Variants in CSMD3 observed in about 807,000 individuals in gnomAD.
CSMD3 encodes CUB and sushi domain-containing protein 3.
A neutral mutation model predicts 435.2 loss-of-function variants in CSMD3; 177 were observed. That is an observed-to-expected ratio of 0.41 (90% CI 0.36 to 0.46). The LOEUF (loss-of-function observed/expected upper bound fraction) is 0.46. Ranked by LOEUF, CSMD3 falls within the 20% of genes least tolerant of loss-of-function variation. The probability of loss-of-function intolerance (pLI) is 0.34; values close to 1 mark genes in which losing one functional copy is unlikely to be tolerated. For missense variants in CSMD3, 4,265 were observed against 4,504.6 expected, an observed-to-expected ratio of 0.95 and a Z score of 1.52; for synonymous variants, 1,656 against 1,520.5, an observed-to-expected ratio of 1.09 and a Z score of -2.07.
At chr8:112,602,620 C>A (rs1421392485) in intron 22 of CSMD3, among the ~76,000 whole-genome samples, 1 of 151,092 alleles carries the variant, frequency 6.6e-6, no homozygotes, top group Admixed American at 6.6e-5. Context: ...TTTTGACTTC[C>A]CCAAAACTTA....
intron 22 of CSMD3, among the ~76,000 whole-genome samples, chr8:112,614,218 A>G (rs1355289555): frequency 6.6e-6 from 1 of 152,062 alleles, no homozygotes; most frequent in African/African-American, 2.4e-5. Context: ...GGCAAGGGGA[A>G]CCCTGCAGCT....
At chr8:113,328,088 G>C (rs996768196) in intron 1 of CSMD3, among the ~76,000 whole-genome samples, 3 of 150,836 alleles carry the variant, frequency 2.0e-5, no homozygotes, top group Non-Finnish European at 4.4e-5. Context: ...GACACACACA[G>C]ACACACACAG....
intron 13 of CSMD3, among the ~76,000 whole-genome samples, chr8:112,788,949 T>TTTTC (rs1426107157): frequency 1.3e-5 from 2 of 152,150 alleles, no homozygotes; most frequent in African/African-American, 4.8e-5. Context: ...TGAGTCATGC[T>TTTTC]TAAAAGCCCT....
intron 3 of CSMD3, among the ~76,000 whole-genome samples, chr8:113,273,090 T>C (rs1323112525): frequency 6.6e-6 from 1 of 152,086 alleles, no homozygotes; most frequent in African/African-American, 2.4e-5. Context: ...CATTACACCT[T>C]GTATGATTGT....
chr8:112,224,624 G>GA lies in CSMD3; in HGVS notation c.*146dup. On this transcript the variant is annotated 3_prime_UTR_variant, in exon 71 of 71. Transcript: ENST00000297405. ...CATGAAGAATTATGGTCCAGTTTAT[G>GA]AAAAAACACTCTTCTGTATCATTCC... 2.5e-6 allele frequency: 2 copies of GA among 815,862 alleles called. No homozygotes were observed. The highest frequency in any genetic ancestry group is 2.8e-5 in the South Asian group (2 of 71,118). 50.5% of individuals were successfully genotyped at this position (815,862 alleles called of 1,614,324 possible).
At chr8:113,083,877 T>C (rs1386984005) in intron 5 of CSMD3, among the ~76,000 whole-genome samples, 1 of 152,014 alleles carries the variant, frequency 6.6e-6, no homozygotes, top group Non-Finnish European at 1.5e-5. Flanking sequence ...AGAAGGCTGA[T>C]ACAGGAGAAT....
chr8:112,743,149 T>C (rs780316265), intron 13 of CSMD3, among the ~76,000 whole-genome samples: 6 of 151,996 alleles, frequency 3.9e-5, no homozygotes, highest in Non-Finnish European at 8.8e-5. Flanking sequence ...TTTGTACATG[T>C]AGTTGAAAGA....
At chr8:112,231,020 A>G (rs528262806) in intron 69 of CSMD3, among the ~76,000 whole-genome samples, 10 of 152,302 alleles carry the variant, frequency 6.6e-5, no homozygotes, top group Non-Finnish European at 1.3e-4. Context: ...AGTTGGAAAT[A>G]AAAATGACAA....
intron 16 of CSMD3, among the ~76,000 whole-genome samples, chr8:112,675,893 T>C (rs1425498473): frequency 6.6e-6 from 1 of 152,004 alleles, no homozygotes; most frequent in Admixed American, 6.6e-5. Flanking sequence ...ATGTCAGCAG[T>C]GGAGGTAGTA....
intron 3 of CSMD3, among the ~76,000 whole-genome samples, chr8:113,207,698 T>A (rs980807670): frequency 5.3e-5 from 8 of 152,084 alleles, no homozygotes; most frequent in African/African-American, 1.4e-4. Context: ...TAAATTTTTT[T>A]AAGAAGATAT....
chr8:112,477,807 A>G (rs891978259), intron 31 of CSMD3, among the ~76,000 whole-genome samples: 5 of 152,174 alleles, frequency 3.3e-5, no homozygotes, highest in African/African-American at 1.2e-4. Flanking sequence ...CTTTATAGTA[A>G]TACAAACAGA....
intron 7 of CSMD3, among the ~76,000 whole-genome samples, chr8:112,959,288 C>A (rs2084144067): frequency 6.6e-6 from 1 of 152,004 alleles, no homozygotes; most frequent in African/African-American, 2.4e-5. Context: ...CAGTCTGAAG[C>A]GCTCCTCATT....
chr8:112,442,558 T>C (rs545323397), intron 32 of CSMD3, among the ~76,000 whole-genome samples: 2 of 152,312 alleles, frequency 1.3e-5, no homozygotes, highest in Middle Eastern at 3.4e-3. Context: ...CTTTTACTTC[T>C]TTTCCTTTTT....
intron 53 of CSMD3, 72 bp downstream of exon 53, chr8:112,301,721 G>C: frequency 8.9e-7 from 1 of 1,128,316 alleles, no homozygotes. Context: ...TCATATTAGG[G>C]AAAAAGAGAT....
chr8:112,451,420 C>T (rs1816254217), intron 32 of CSMD3, among the ~76,000 whole-genome samples: 1 of 151,800 alleles, frequency 6.6e-6, no homozygotes, highest in Admixed American at 6.6e-5. Context: ...TTTTAAAATG[C>T]ATTCAATATG....
At chr8:113,359,895 A>C (rs987081957) in intron 1 of CSMD3, among the ~76,000 whole-genome samples, 1 of 152,130 alleles carries the variant, frequency 6.6e-6, no homozygotes, top group Non-Finnish European at 1.5e-5. Flanking sequence ...TTGAAATCAA[A>C]CATGTGCAGC....
intron 64 of CSMD3, among the ~76,000 whole-genome samples, chr8:112,244,990 A>C (rs1814578775): frequency 6.6e-6 from 1 of 151,852 alleles, no homozygotes; most frequent in African/African-American, 2.4e-5. Flanking sequence ...GAGTTTAGAA[A>C]ATATTATTTT....
chr8:112,443,049 T>C (rs1180131733), intron 32 of CSMD3, among the ~76,000 whole-genome samples: 1 of 152,238 alleles, frequency 6.6e-6, no homozygotes, highest in Non-Finnish European at 1.5e-5. Flanking sequence ...TTTTCCTTTT[T>C]CTTTGTCCTT....
intron 6 of CSMD3, among the ~76,000 whole-genome samples, chr8:112,989,627 G>A (rs1046291672): frequency 6.6e-6 from 1 of 151,926 alleles, no homozygotes; most frequent in Non-Finnish European, 1.5e-5. Context: ...TGTGACTCTT[G>A]ACTAAGAGGT....
Sources: gnomAD v4.1 joint callset for allele counts (sites outside exome capture counted in the v4.1 genomes callset) on GRCh38, gnomAD v4.1.1 for gene constraint, MANE v1.5 for transcripts, NCBI Gene and HGNC (gene_info 2026-07-23, HGNC 2026-07-21) for gene names.